Variants in AMPD3 observed in about 807,000 individuals in gnomAD.
AMPD3 encodes the protein AMP deaminase 3.
A neutral mutation model predicts 82.3 loss-of-function variants in AMPD3; 57 were observed. The ratio of observed to expected loss-of-function variants is 0.69; its 90% CI spans 0.56 to 0.86. The LOEUF is 0.86. Ranked by LOEUF, AMPD3 falls within the 40% of genes least tolerant of loss-of-function variation. The pLI is 0.00. For synonymous variants in AMPD3, 381 were observed against 394.7 expected, an observed-to-expected ratio of 0.97 and a Z score of 0.41; for missense variants, 870 against 1,003.8, an observed-to-expected ratio of 0.87 and a Z score of 1.80.
intron 2 of AMPD3, among the ~76,000 whole-genome samples, chr11:10,462,452 G>T (rs541607102): frequency 6.6e-6 from 1 of 152,186 alleles, no homozygotes; most frequent in Non-Finnish European, 1.5e-5. Flanking sequence ...TGGAACTGTG[G>T]TGGACTTTCC....
chr11:10,464,161 C>T (rs1361771082), intron 2 of AMPD3, among the ~76,000 whole-genome samples: 2 of 152,176 alleles, frequency 1.3e-5, no homozygotes, highest in Non-Finnish European at 2.9e-5. Flanking sequence ...TATAGTGCAT[C>T]CCGAGTAAAT....
intron 1 of AMPD3, among the ~76,000 whole-genome samples, chr11:10,460,066 T>TATATATATATTATATATAATATATATA (rs1848219756): frequency 6.9e-6 from 1 of 143,980 alleles, no homozygotes; most frequent in Non-Finnish European, 1.5e-5. Flanking sequence ...TAATATATAT[T>TATATATATATTATATATAATATATATA]ATATATAATA....
chr11:10,489,679 GTCTC>G (rs758975750), intron 6 of AMPD3, among the ~76,000 whole-genome samples: 1 of 150,068 alleles, frequency 6.7e-6, no homozygotes, highest in African/African-American at 2.5e-5. Context: ...ATAGCACTCT[GTCTC>G]TCTTTTTTTT....
At chr11:10,481,593 C>T (rs1848907606) in intron 3 of AMPD3, 2 of 743,972 alleles carry the variant, frequency 2.7e-6, no homozygotes, top group Non-Finnish European at 3.3e-6. Context: ...GCTGTACTTA[C>T]AGCTTTGATT....
chr11:10,501,839 C>A (rs1849590169), intron 12 of AMPD3: 1 of 981,772 alleles, frequency 1.0e-6, no homozygotes. Flanking sequence ...CCATTATTAG[C>A]TTTTTAGTAT....
chr11:10,484,711 C>T (rs1183034198), intron 4 of AMPD3, 109 bp from the exon 5 acceptor site: 24 of 1,381,026 alleles, frequency 1.7e-5, no homozygotes, highest in East Asian at 6.9e-5. Context: ...GGGGCCGGCG[C>T]AGGGTTGGAT....
At chr11:10,468,540 A>G (rs1591448290) in intron 2 of AMPD3, among the ~76,000 whole-genome samples, 1 of 152,164 alleles carries the variant, frequency 6.6e-6, no homozygotes, top group South Asian at 2.1e-4. Flanking sequence ...GAGACCTACA[A>G]AGAGACTTAG....
chr11:10,484,278 C>G lies in AMPD3; in HGVS notation c.590-542C>G, dbSNP rs569439594. ...GGCAGATGGCTTTATCATTGGCATTCTCTGCTCTGGGGGAGACAAGTTCCC... is the reference window on the plus strand; with the variant it reads ...GGCAGATGGCTTTATCATTGGCATTGTCTGCTCTGGGGGAGACAAGTTCCC... On this transcript the variant is annotated intron_variant, in intron 4 of 14. Transcript: ENST00000396553. The G allele has an allele frequency of 4.1e-6, 4 of 985,372 alleles. No homozygotes were observed. In the African/African-American group the frequency reaches 7.0e-5, roughly 17 times the overall value. 61.0% of individuals were successfully genotyped at this position (985,372 alleles called of 1,614,324 possible). A position where few individuals can be genotyped will look rare whatever the true frequency, so the allele number is the denominator to read the frequency against.
At position 10,495,720 on chromosome 11, in the gene AMPD3, G is replaced by C. The variant is rs1380236031; in HGVS notation, c.1417G>C (p.Val473Leu). 5.0e-6 allele frequency: 8 copies of C among 1,614,076 alleles called. No individual in the cohort carries two copies. The highest frequency in any genetic ancestry group is 1.7e-5 in the Admixed American group (1 of 60,016). The change falls in exon 9 of 15, where the codon GTG (valine) becomes CTG (leucine). Residue 473 changes from valine to leucine, a missense_variant. Physicochemically the swap from Val to Leu is conservative, Grantham distance 32. Coordinates refer to ENST00000396553, the MANE Select transcript of AMPD3 (RefSeq NM_001025389.2). Reference protein sequence around the residue: ...YSPNMRWIIQVPRIYDIFRSK... With the variant: ...YSPNMRWIIQLPRIYDIFRSK... ...TCCCAACATGCGCTGGATCATCCAGGTGCCCCGGATTTAGTAAGTGAGGTG... is the reference window on the plus strand; with the variant it reads ...TCCCAACATGCGCTGGATCATCCAGCTGCCCCGGATTTAGTAAGTGAGGTG...
chr11:10,483,705 T>C (rs1848982761), intron 4 of AMPD3, among the ~76,000 whole-genome samples: 1 of 152,248 alleles, frequency 6.6e-6, no homozygotes, highest in African/African-American at 2.4e-5. Context: ...CCGTGCCTGA[T>C]GGGGCATTCC....
chr11:10,480,110 C>T (rs1187277313), intron 3 of AMPD3, among the ~76,000 whole-genome samples: 1 of 152,250 alleles, frequency 6.6e-6, no homozygotes, highest in African/African-American at 2.4e-5. Context: ...AGCACCTGAA[C>T]TGGGCAACTG....
At chr11:10,450,528 G>A, upstream of AMPD3, 1 of 986,164 alleles carries the variant, frequency 1.0e-6, no homozygotes, top group Non-Finnish European at 1.2e-6. Flanking sequence ...AAGCCCGGGC[G>A]GCACGGGGAG....
intron 2 of AMPD3, among the ~76,000 whole-genome samples, chr11:10,477,657 A>G (rs758946658): frequency 1.3e-5 from 2 of 152,154 alleles, no homozygotes; most frequent in African/African-American, 4.8e-5. Context: ...TTTGGTGCCG[A>G]TCAATCCCTC....
chr11:10,468,343 G>GAA (rs142636929), intron 2 of AMPD3, among the ~76,000 whole-genome samples: 46 of 139,732 alleles, frequency 3.3e-4, no homozygotes, highest in Middle Eastern at 3.5e-3. Context: ...CAAATGGAAA[G>GAA]AAAAAAAAAA....
intron 2 of AMPD3, among the ~76,000 whole-genome samples, chr11:10,473,106 C>T (rs1225842342): frequency 6.6e-6 from 1 of 151,970 alleles, no homozygotes; most frequent in East Asian, 1.9e-4. Context: ...CCTGTCTGTA[C>T]AAAAAATACA....
At position 10,482,203 on chromosome 11, in the gene AMPD3, A is replaced by C. The variant is rs766605831; in HGVS notation, c.567A>C (p.Ala189=). 1 of 1,612,578 alleles carries C rather than the reference A, an allele frequency of 6.2e-7. No individual in the cohort carries two copies. The highest frequency in any genetic ancestry group is 1.3e-5 in the African/African-American group (1 of 75,024). ...QYLGHPRADT[A]PPEEGLPDFH... is the part of the protein sequence containing the mutation. The stretch of plus-strand genomic sequence containing the variant: ...TGGGTCATCCGCGGGCGGATACTGC[A>C]CCTCCGGAAGAGGGCCTTCCAGGTA... The change falls in exon 4 of 15, where the codon GCA becomes GCC. Residue 189 remains alanine, a synonymous_variant. Transcript: ENST00000396553.
rs773260324 is a variant in AMPD3, at chr11:10,495,687, G to C, written c.1384G>C (p.Val462Leu). ...NLAYWFIQHK[V>L]YSPNMRWIIQ... ...GGCCTACTGGTTCATCCAGCACAAG[G>C]TCTACTCTCCCAACATGCGCTGGAT... The change falls in exon 9 of 15, where the codon GTC becomes CTC. Residue 462 changes from valine to leucine, a missense_variant. Val to Leu is a conservative substitution (Grantham distance 32, BLOSUM62 1). Transcript: ENST00000396553. The C allele has an allele frequency of 2.5e-6, 4 of 1,614,002 alleles. No individual in the cohort carries two copies. The South Asian group carries it at 4.4e-5, about 18-fold the overall frequency.
chr11:10,493,742 C>A, intron 7 of AMPD3, 199 bp downstream of exon 7: 1 of 694,384 alleles, frequency 1.4e-6, no homozygotes, highest in South Asian at 1.6e-5. Context: ...GGGTGTGTGG[C>A]TTGGGGCCTG....
At position 10,493,360 on chromosome 11, in the gene AMPD3, C is replaced by T. The variant is rs763144673; in HGVS notation, c.951C>T (p.His317=). 7.4e-6 allele frequency: 12 copies of T among 1,614,052 alleles called. No individual in the cohort carries two copies. In the South Asian group the frequency reaches 9.9e-5, roughly 13 times the overall value. The part of the protein sequence containing the change: ...DFYNVRKVDT[H]IHAAACMNQK... ...GCGCTGTGTTCCAGGTGGACACACA[C>T]ATCCATGCGGCCGCCTGCATGAACC... Residue 317 remains histidine (H), a synonymous_variant, in exon 7 of 15, where the codon CAC becomes CAT. Coordinates refer to ENST00000396553, the MANE Select transcript of AMPD3 (RefSeq NM_001025389.2).
Sources: allele counts gnomAD v4.1 joint callset (sites outside exome capture counted in the v4.1 genomes callset), GRCh38; gene constraint gnomAD v4.1.1; transcripts MANE v1.5; gene names NCBI Gene and HGNC (gene_info 2026-07-23, HGNC 2026-07-21).